Variants in PBX1 observed in about 807,000 individuals in gnomAD.
PBX1 encodes the protein PBX homeobox 1.
A neutral mutation model predicts 53.4 loss-of-function variants in PBX1; 6 were observed. The observed-to-expected ratio is 0.11, with a 90% CI of 0.06 to 0.22. The LOEUF is 0.22. Ranked by LOEUF, PBX1 falls within the 10% of genes least tolerant of loss-of-function variation. PBX1 has a pLI of 1.00. For synonymous variants in PBX1, 204 were observed against 212.3 expected, an observed-to-expected ratio of 0.96 and a Z score of 0.34; for missense variants, 251 against 551.4, an observed-to-expected ratio of 0.46 and a Z score of 5.46.
chr1:164,797,645 T>C (rs1297927580), intron 3 of PBX1, among the ~76,000 whole-genome samples: 1 of 152,204 alleles, frequency 6.6e-6, no homozygotes, highest in Non-Finnish European at 1.5e-5. Context: ...CCTTTACTTT[T>C]ACCAAGAGGG....
chr1:164,661,378 C>T (rs1375913785), intron 2 of PBX1, among the ~76,000 whole-genome samples: 1 of 151,918 alleles, frequency 6.6e-6, no homozygotes, highest in Non-Finnish European at 1.5e-5. Flanking sequence ...CAGGGAAAGC[C>T]CTGATATTGT....
chr1:164,638,862 T>C (rs1205567958), intron 2 of PBX1, among the ~76,000 whole-genome samples: 5 of 152,166 alleles, frequency 3.3e-5, no homozygotes, highest in African/African-American at 4.8e-5. Context: ...GCATGGAACA[T>C]TGGAAGCGTT....
intron 2 of PBX1, among the ~76,000 whole-genome samples, chr1:164,734,488 G>T (rs1665164182): frequency 6.6e-6 from 1 of 152,096 alleles, no homozygotes; most frequent in Non-Finnish European, 1.5e-5. Context: ...TACTCACCAA[G>T]TTCTAACTCA....
At chr1:164,767,502 C>G (rs944021853) in intron 2 of PBX1, among the ~76,000 whole-genome samples, 1 of 152,110 alleles carries the variant, frequency 6.6e-6, no homozygotes, top group African/African-American at 2.4e-5. Flanking sequence ...ATATGGCTTT[C>G]TGCGTCCAAC....
chr1:164,792,847 C>A, intron 3 of PBX1, 109 bp downstream of exon 3: 1 of 828,088 alleles, frequency 1.2e-6, no homozygotes, highest in East Asian at 2.7e-5. Context: ...CAGGTGCTGG[C>A]ATCCCTGTGC....
chr1:164,791,154 A>G lies in PBX1; in HGVS notation c.266-1340A>G, dbSNP rs145690311. ...AAAACACTTTTTATGTTCCCTCTTA[A>G]CAAAGACTTGGCTGCTGACAACTGA... On this transcript the variant is annotated intron_variant, in intron 2 of 8. Transcript: ENST00000420696. Among the ~76,000 whole-genome samples the G allele has an allele frequency of 3.8e-3, 579 of 152,222 alleles. 4 individuals carry two copies. The highest frequency in any genetic ancestry group is 0.01 in the Middle Eastern group (3 of 294).
intron 2 of PBX1, among the ~76,000 whole-genome samples, chr1:164,616,991 A>G (rs1657322185): frequency 6.6e-6 from 1 of 152,242 alleles, no homozygotes; most frequent in Non-Finnish European, 1.5e-5. Flanking sequence ...TGGAGTCCAG[A>G]TCCAGAGGTC....
chr1:164,864,092 T>G (rs1672160981), intron 2 of PBX1, among the ~76,000 whole-genome samples: 1 of 152,174 alleles, frequency 6.6e-6, no homozygotes, highest in East Asian at 1.9e-4. Context: ...TCAAGTTATG[T>G]TTAATTGCCA....
rs1321830230 is a variant in PBX1, at chr1:164,640,546, TTTTTTTTTTGTG to T, written c.265+77245_265+77256del. Among the ~76,000 whole-genome samples the T allele has an allele frequency of 4.6e-4, 38 of 81,962 alleles. No homozygotes were observed. In the South Asian group the frequency reaches 0.016, roughly 34 times the overall value. The allele number at this position is 81,962 out of a possible 152,430, so 53.8% of individuals were successfully genotyped here. ...TTCTGTGGTTCCTCGTTTTTTGGTG[TTTTTTTTTTGTG>T]TTTTTTTTTTTTTTTTTAGACGAAA... On this transcript the variant is annotated intron_variant, in intron 2 of 8. Transcript: ENST00000420696.
rs369277110 is a variant in PBX1, at chr1:164,875,988, G to GTATATATATATATATATATATATA, written n.258-23182_258-23181insTATATATATATATATATATATATA. Among the ~76,000 whole-genome samples, 371 of 56,470 alleles carry GTATATATATATATATATATATATA rather than the reference G, an allele frequency of 6.6e-3. 20 individuals carry two copies. The highest frequency in any genetic ancestry group is 0.026 in the Middle Eastern group (2 of 78). The allele number at this position is 56,470 out of a possible 152,430, so 37.0% of individuals were successfully genotyped here. A position where few individuals can be genotyped will look rare whatever the true frequency, so the allele number is the denominator to read the frequency against. On this transcript the variant is annotated intron_variant and non_coding_transcript_variant, in intron 2 of 2. Transcript: ENST00000558796. ...ATACCTATATATATTTGGTGTATGT[G>GTATATATATATATATATATATATA]TATATATATATATATATACACACAT...
intron 2 of PBX1, among the ~76,000 whole-genome samples, chr1:164,772,674 T>C (rs557294166): frequency 3.3e-5 from 5 of 152,352 alleles, no homozygotes; most frequent in East Asian, 3.9e-4. Flanking sequence ...GGGACAGTGA[T>C]TGGGGACTAT....
intron 2 of PBX1, among the ~76,000 whole-genome samples, chr1:164,677,695 A>C (rs1661514626): frequency 6.6e-6 from 1 of 152,100 alleles, no homozygotes; most frequent in African/African-American, 2.4e-5. Context: ...GGGCAGGAAC[A>C]GATACATAGA....
At chr1:164,784,176 C>T (rs1453682878) in intron 2 of PBX1, among the ~76,000 whole-genome samples, 1 of 152,228 alleles carries the variant, frequency 6.6e-6, no homozygotes, top group Non-Finnish European at 1.5e-5. Context: ...CCCCTTTCCT[C>T]ATACCTCTGG....
intron 2 of PBX1, among the ~76,000 whole-genome samples, chr1:164,606,784 T>C (rs1051045273): frequency 1.3e-5 from 2 of 152,220 alleles, no homozygotes; most frequent in Non-Finnish European, 2.9e-5. Flanking sequence ...TCTTTGTGCA[T>C]GGAAACATGA....
chr1:164,560,096 A>T (rs528585263), intron 1 of PBX1, 83 bp downstream of exon 1: 1 of 1,014,858 alleles, frequency 9.9e-7, no homozygotes, highest in South Asian at 2.4e-5. Context: ...GAACCGAATC[A>T]CCACAGCGCT....
chr1:164,746,293 A>C (rs1417167682), intron 2 of PBX1, among the ~76,000 whole-genome samples: 1 of 152,212 alleles, frequency 6.6e-6, no homozygotes, highest in African/African-American at 2.4e-5. Context: ...TCATAGGTAA[A>C]AGTGGTAACA....
intron 2 of PBX1, among the ~76,000 whole-genome samples, chr1:164,775,353 G>A (rs73029016): frequency 0.018 from 2,785 of 152,270 alleles, 97 homozygotes; most frequent in African/African-American, 0.062. Context: ...TTAGGGCTAC[G>A]TTAGGGAGGA....
chr1:164,693,307 AGG>A (rs548085076), intron 2 of PBX1, among the ~76,000 whole-genome samples: 1 of 152,226 alleles, frequency 6.6e-6, no homozygotes, highest in Non-Finnish European at 1.5e-5. Flanking sequence ...TGAGATACAC[AGG>A]GTGCCTGCTG....
At chr1:164,869,638 C>T (rs955283509) in intron 2 of PBX1, among the ~76,000 whole-genome samples, 5 of 152,228 alleles carry the variant, frequency 3.3e-5, no homozygotes, top group East Asian at 1.9e-4. Flanking sequence ...AGAGAGCACA[C>T]TTTACGTTAG....
Sources: gnomAD v4.1 joint callset for allele counts (sites outside exome capture counted in the v4.1 genomes callset) on GRCh38, gnomAD v4.1.1 for gene constraint, MANE v1.5 for transcripts, NCBI Gene and HGNC (gene_info 2026-07-23, HGNC 2026-07-21) for gene names.